EHMT1: variants seen among roughly 807,000 people sequenced by gnomAD.
EHMT1 encodes euchromatic histone lysine methyltransferase 1.
EHMT1 carries 15 observed loss-of-function variants against 147.2 expected under a neutral mutation model. That is an observed-to-expected ratio of 0.10 (90% CI 0.07 to 0.16). EHMT1 has a LOEUF of 0.16. Ranked by LOEUF, EHMT1 falls within the 10% of genes least tolerant of loss-of-function variation. The pLI is 1.00. For missense variants in EHMT1, 1,587 were observed against 1,772.4 expected, an observed-to-expected ratio of 0.90 and a Z score of 1.88; for synonymous variants, 795 against 709.6, an observed-to-expected ratio of 1.12 and a Z score of -1.91.
chr9:137,632,649 C>T (rs1003460832), intron 1 of EHMT1, among the ~76,000 whole-genome samples: 1 of 152,216 alleles, frequency 6.6e-6, no homozygotes, highest in Non-Finnish European at 1.5e-5. Context: ...AGCCATCTGC[C>T]TGCCTTGGCC....
At chr9:137,672,146 C>G (rs553159372) in intron 1 of EHMT1, among the ~76,000 whole-genome samples, 4 of 152,202 alleles carry the variant, frequency 2.6e-5, no homozygotes, top group Admixed American at 2.6e-4. Flanking sequence ...GTGCAGCAGG[C>G]GGTGTGAGCA....
At position 137,742,432 on chromosome 9, in the gene EHMT1, C is replaced by G. The variant is rs200337923; in HGVS notation, c.824-939C>G. Among the ~76,000 whole-genome samples, 19 of 152,098 alleles carry G rather than the reference C, an allele frequency of 1.2e-4. No individual in the cohort carries two copies. In the East Asian group the frequency reaches 3.7e-3, roughly 29 times the overall value. On this transcript the variant is annotated intron_variant, in intron 4 of 26. Coordinates refer to ENST00000460843, the MANE Select transcript of EHMT1 (RefSeq NM_024757.5). ...CAAGCCTCCTCAGTAGCTGGGTCTT[C>G]AGGTGTGAGCTGCTGTGCCCAGCTT... is the stretch of plus-strand genomic sequence containing the variant.
intron 10 of EHMT1, among the ~76,000 whole-genome samples, chr9:137,772,097 G>A (rs1950624022): frequency 6.6e-6 from 1 of 152,086 alleles, no homozygotes; most frequent in South Asian, 2.1e-4. Flanking sequence ...CCTGTGTTCC[G>A]CTTGATAATG....
At chr9:137,627,899 G>A (rs558659185) in intron 1 of EHMT1, among the ~76,000 whole-genome samples, 1 of 151,960 alleles carries the variant, frequency 6.6e-6, no homozygotes, top group Admixed American at 6.5e-5. Flanking sequence ...TAGTAGAGAG[G>A]GAGTTTCGCC....
chr9:137,692,813 G>T (rs1355857182), intron 1 of EHMT1, among the ~76,000 whole-genome samples: 1 of 152,170 alleles, frequency 6.6e-6, no homozygotes, highest in African/African-American at 2.4e-5. Context: ...TGTTGCTGCT[G>T]GGTGTGGGAG....
chr9:137,766,851 G>C (rs957198052), intron 10 of EHMT1, among the ~76,000 whole-genome samples: 3 of 152,108 alleles, frequency 2.0e-5, no homozygotes, highest in African/African-American at 4.8e-5. Flanking sequence ...TTTCGAGACA[G>C]GTTCTCACTT....
At chr9:137,781,760 G>T (rs971992098) in intron 14 of EHMT1, among the ~76,000 whole-genome samples, 2 of 152,188 alleles carry the variant, frequency 1.3e-5, no homozygotes, top group African/African-American at 4.8e-5. Flanking sequence ...GTAAAAAGAA[G>T]TGAAACTATT....
At chr9:137,646,662 G>T (rs934729421) in intron 1 of EHMT1, among the ~76,000 whole-genome samples, 1 of 152,320 alleles carries the variant, frequency 6.6e-6, no homozygotes, top group Non-Finnish European at 1.5e-5. Flanking sequence ...TTCACATCTC[G>T]CAAGGCACGT....
At chr9:137,823,369 A>G (rs111435459) in intron 25 of EHMT1, 23,510 of 337,214 alleles carry the variant, frequency 0.07, 5,470 homozygotes, top group African/African-American at 0.51. Flanking sequence ...AAGTGCTGGG[A>G]TTACAGGCGT....
At chr9:137,641,297 A>T (rs535653379) in intron 1 of EHMT1, 8 of 449,702 alleles carry the variant, frequency 1.8e-5, no homozygotes, top group Admixed American at 8.0e-5. Flanking sequence ...GTGGACTTTG[A>T]AGATGGATCA....
intron 1 of EHMT1, among the ~76,000 whole-genome samples, chr9:137,645,494 G>A (rs538829779): frequency 4.6e-5 from 7 of 152,206 alleles, no homozygotes; most frequent in African/African-American, 7.2e-5. Flanking sequence ...ACTTACAGAA[G>A]CCCTTGTGTC....
At chr9:137,780,092 G>A (rs540308997) in intron 14 of EHMT1, among the ~76,000 whole-genome samples, 1 of 150,134 alleles carries the variant, frequency 6.7e-6, no homozygotes, top group East Asian at 2.0e-4. Context: ...TGGTGATGAT[G>A]CTGAGATGTG....
intron 16 of EHMT1, among the ~76,000 whole-genome samples, chr9:137,793,398 C>T (rs1952668813): frequency 6.6e-6 from 1 of 152,202 alleles, no homozygotes; most frequent in Non-Finnish European, 1.5e-5. Context: ...GTGAGACGCA[C>T]CTCAGAGGAT....
chr9:137,707,224 T>TG (rs1404471943), intron 1 of EHMT1, among the ~76,000 whole-genome samples: 4 of 152,118 alleles, frequency 2.6e-5, no homozygotes, highest in African/African-American at 9.7e-5. Flanking sequence ...CAGCGCTGCT[T>TG]GGGGGGGCTG....
chr9:137,813,855 G>A lies in EHMT1; in HGVS notation c.3180+325G>A, dbSNP rs1954692896. ...CTTCGTGCTGGGGGCACAGGCGAGA[G>A]GAGCCCTTGCGAGGCCTGCAGGACG... On this transcript the variant is annotated intron_variant, in intron 21 of 26. Coordinates refer to ENST00000460843, the MANE Select transcript of EHMT1 (RefSeq NM_024757.5). This position sits in a 1 kb window ranked among gnomAD's most constrained non-coding sequence, Gnocchi z 4.9. Among the ~76,000 whole-genome samples the A allele has an allele frequency of 6.6e-6, 1 of 152,178 alleles. No homozygotes were observed.
chr9:137,706,035 C>T (rs1192023750), intron 1 of EHMT1, among the ~76,000 whole-genome samples: 1 of 131,732 alleles, frequency 7.6e-6, no homozygotes, highest in African/African-American at 2.8e-5. Context: ...GGCTCCTCTG[C>T]CTTGTGCGTT....
Position 137,835,145 on chromosome 9 carries a change from C to T in EHMT1, c.*192C>T. ...ATGCCTCCCAGCCACCTTCCCAGACCTGCGGCCTCACCGCGGGCCCAGTGC... is the reference window on the plus strand; with the variant it reads ...ATGCCTCCCAGCCACCTTCCCAGACTTGCGGCCTCACCGCGGGCCCAGTGC... On this transcript the variant is annotated 3_prime_UTR_variant, in exon 27 of 27. Coordinates refer to ENST00000460843, the MANE Select transcript of EHMT1 (RefSeq NM_024757.5). 1.4e-5 allele frequency: 8 copies of T among 592,338 alleles called. No homozygotes were observed. Among genetic ancestry groups the T allele is most frequent in the Non-Finnish European group, 2.1e-5 (8 of 388,746 alleles). The allele number at this position is 592,338 out of a possible 1,614,324, so 36.7% of individuals were successfully genotyped here.
intron 1 of EHMT1, among the ~76,000 whole-genome samples, chr9:137,627,834 C>G (rs973300744): frequency 6.6e-6 from 1 of 152,098 alleles, no homozygotes; most frequent in African/African-American, 2.4e-5. Context: ...CCCCCACCCC[C>G]AAGTAGCTGG....
rs1171354496 is a variant in EHMT1, at chr9:137,728,429, T to G, written c.723T>G (p.Ile241Met). The G allele has an allele frequency of 6.2e-7, 1 of 1,614,040 alleles. No individual in the cohort carries two copies. Among genetic ancestry groups the G allele is most frequent in the Non-Finnish European group, 8.5e-7 (1 of 1,180,036 alleles). The change falls in exon 4 of 27, where the codon ATT (isoleucine) becomes ATG (methionine). Residue 241 changes from isoleucine to methionine, a missense_variant. This residue lies in a region of EHMT1 where 810 missense variants were observed against 673.0 expected (regional missense o/e 1.20). Coordinates refer to ENST00000460843, the MANE Select transcript of EHMT1 (RefSeq NM_024757.5). ...KEPKEEINKN[I>M]SDFGRQQLLP... Reference sequence around the variant, plus strand: ...CAAAAGAGGAGATCAACAAAAACATTTCTGACTTTGGACGACAGCAGCTTT... The same window carrying G: ...CAAAAGAGGAGATCAACAAAAACATGTCTGACTTTGGACGACAGCAGCTTT...
Sources: allele counts gnomAD v4.1 joint callset (sites outside exome capture counted in the v4.1 genomes callset), GRCh38; gene constraint gnomAD v4.1.1; regional missense constraint gnomAD v4.1.1; non-coding constraint Gnocchi (gnomAD v3.1); transcripts MANE v1.5; gene names NCBI Gene and HGNC (gene_info 2026-07-23, HGNC 2026-07-21).